The following KAZN variants were observed in gnomAD, a reference collection of about 807,000 sequenced individuals.
The protein encoded by KAZN is kazrin.
Under a neutral mutation model 87.4 loss-of-function variants are expected in KAZN, and 40 were observed. The observed-to-expected ratio is 0.46, with a 90% CI of 0.36 to 0.60. The LOEUF is 0.60. KAZN is among the 20% of genes least tolerant of loss of function. The probability of loss-of-function intolerance (pLI) is 0.00; values close to 1 mark genes in which losing one functional copy is unlikely to be tolerated. For missense variants in KAZN, 898 were observed against 1,073.9 expected (o/e 0.84, Z 2.29); for synonymous variants, 466 against 458.3 (o/e 1.02, Z -0.22).
intron 1 of KAZN, among the ~76,000 whole-genome samples, chr1:14,767,125 C>T (rs1027346839): frequency 1.3e-5 from 2 of 152,078 alleles, no homozygotes; most frequent in East Asian, 1.9e-4. Context: ...TTTTACAGAC[C>T]GTGATGATTG....
At chr1:14,640,932 T>C (rs747575734) in intron 1 of KAZN, among the ~76,000 whole-genome samples, 11 of 152,192 alleles carry the variant, frequency 7.2e-5, no homozygotes, top group African/African-American at 1.9e-4. Context: ...CCTGTGCACC[T>C]CTTGGCTCTG....
At chr1:14,624,145 G>A (rs772895685) in intron 1 of KAZN, among the ~76,000 whole-genome samples, 6 of 152,240 alleles carry the variant, frequency 3.9e-5, no homozygotes, top group South Asian at 2.1e-4. Context: ...AAACCAGGCC[G>A]GGCACAGTGG....
intron 2 of KAZN, among the ~76,000 whole-genome samples, chr1:14,504,659 A>G (rs1670454676): frequency 6.6e-6 from 1 of 152,200 alleles, no homozygotes; most frequent in Non-Finnish European, 1.5e-5. Context: ...AAGTTGCATC[A>G]GCAACGCCCA....
chr1:13,938,070 G>A (rs1640806028), intron 1 of KAZN, among the ~76,000 whole-genome samples: 1 of 152,138 alleles, frequency 6.6e-6, no homozygotes, highest in Admixed American at 6.5e-5. Flanking sequence ...TATGAAAAAT[G>A]ATGTTGATAA....
intron 2 of KAZN, among the ~76,000 whole-genome samples, chr1:14,361,869 G>C (rs948186475): frequency 2.0e-5 from 3 of 152,202 alleles, no homozygotes; most frequent in Non-Finnish European, 4.4e-5. Flanking sequence ...ACTGTTTTCA[G>C]TGAGGAAGAC....
intron 5 of KAZN, among the ~76,000 whole-genome samples, chr1:15,059,271 G>A (rs1331210256): frequency 6.6e-6 from 1 of 152,170 alleles, no homozygotes; most frequent in African/African-American, 2.4e-5. Flanking sequence ...CAACAAGACA[G>A]GGTAGGGAGA....
At chr1:14,115,761 T>C (rs992084614) in intron 1 of KAZN, among the ~76,000 whole-genome samples, 3 of 123,770 alleles carry the variant, frequency 2.4e-5, no homozygotes, top group Admixed American at 8.8e-5. Flanking sequence ...GACAGGAAAA[T>C]GTGGAAAATT....
chr1:14,845,768 T>A (rs2100954503), intron 1 of KAZN, among the ~76,000 whole-genome samples: 1 of 152,208 alleles, frequency 6.6e-6, no homozygotes, highest in Non-Finnish European at 1.5e-5. Flanking sequence ...GAATTAAACA[T>A]TTAAGGACTT....
chr1:14,240,597 G>T (rs916690884), intron 2 of KAZN, among the ~76,000 whole-genome samples: 4 of 152,158 alleles, frequency 2.6e-5, no homozygotes, highest in African/African-American at 9.7e-5. Context: ...CATCCCCCAA[G>T]ATCCCCACTG....
chr1:14,738,432 T>C (rs1406245519), intron 1 of KAZN, among the ~76,000 whole-genome samples: 1 of 152,012 alleles, frequency 6.6e-6, no homozygotes, highest in East Asian at 1.9e-4. Flanking sequence ...TGTATTGACA[T>C]TGGCAGCCCT....
Position 15,117,991 on chromosome 1 carries a change from G to A in KAZN, c.*3356G>A, listed in dbSNP as rs2235783. 87,972 of 152,146 alleles carry A rather than the reference G, an allele frequency of 0.58. 25,806 individuals are homozygous for A. Among genetic ancestry groups the A allele is most frequent in the East Asian group, 0.74 (3,796 of 5,162 alleles). The allele number at this position is 152,146 out of a possible 1,614,324, so 9.4% of individuals were successfully genotyped here. On this transcript the variant is annotated 3_prime_UTR_variant, in exon 15 of 15. Transcript: ENST00000376030. The stretch of plus-strand genomic sequence containing the variant: ...GTTTCTAGGGCCGTGGCCCCAAATC[G>A]CTTCCCCGAGAGTGAATTTTAACAC...
At chr1:14,404,207 T>C (rs1321270442) in intron 2 of KAZN, among the ~76,000 whole-genome samples, 3 of 152,122 alleles carry the variant, frequency 2.0e-5, no homozygotes, top group South Asian at 2.1e-4. Flanking sequence ...ACTGTACCCA[T>C]GGTGACAAAG....
chr1:14,505,503 G>T (rs530013828), intron 2 of KAZN, among the ~76,000 whole-genome samples: 1 of 152,106 alleles, frequency 6.6e-6, no homozygotes, highest in Non-Finnish European at 1.5e-5. Flanking sequence ...CATGCTAAGT[G>T]AAATAAACCA....
chr1:15,062,671 C>G (rs1004982685), intron 6 of KAZN: 5 of 152,418 alleles, frequency 3.3e-5, no homozygotes, highest in Non-Finnish European at 7.3e-5. Context: ...AAATAACCAC[C>G]AGGAGTCTCC....
chr1:14,419,626 G>A (rs186930577), intron 2 of KAZN, among the ~76,000 whole-genome samples: 5 of 152,318 alleles, frequency 3.3e-5, no homozygotes, highest in Admixed American at 6.5e-5. Context: ...TAGTGTGTCC[G>A]GAGTTTGTTC....
At chr1:14,986,155 T>C (rs1424416849) in intron 2 of KAZN, among the ~76,000 whole-genome samples, 1 of 151,206 alleles carries the variant, frequency 6.6e-6, no homozygotes, top group Non-Finnish European at 1.5e-5. Flanking sequence ...GAAAAAGCCA[T>C]GAAAACCATT....
intron 2 of KAZN, among the ~76,000 whole-genome samples, chr1:14,418,042 A>AAAAAAC (rs1557705940): frequency 7.3e-6 from 1 of 137,214 alleles, no homozygotes; most frequent in Non-Finnish European, 1.6e-5. Context: ...AAAAAAAAAA[A>AAAAAAC]AACCTACATC....
chr1:14,195,670 A>G (rs1279170750), intron 2 of KAZN, among the ~76,000 whole-genome samples: 1 of 152,176 alleles, frequency 6.6e-6, no homozygotes, highest in African/African-American at 2.4e-5. Context: ...TTTTTAAATA[A>G]GTATAATTAA....
At chr1:14,881,104 C>T (rs972499289) in intron 1 of KAZN, among the ~76,000 whole-genome samples, 2 of 152,174 alleles carry the variant, frequency 1.3e-5, no homozygotes, top group African/African-American at 4.8e-5. Context: ...GAGCTCACAG[C>T]CAAATTGCTC....
Sources: allele counts gnomAD v4.1 joint callset (sites outside exome capture counted in the v4.1 genomes callset), GRCh38; gene constraint gnomAD v4.1.1; transcripts MANE v1.5; gene names NCBI Gene and HGNC (gene_info 2026-07-23, HGNC 2026-07-21).